The following PCNX4 variants were observed in gnomAD, a reference collection of about 807,000 sequenced individuals.
PCNX4 encodes pecanex 4, also known as pecanex-like protein 4.
In PCNX4, 103 loss-of-function variants were observed where a neutral mutation model predicts 107.2. The ratio of observed to expected loss-of-function variants is 0.96; its 90% confidence interval spans 0.82 to 1.13. PCNX4 has a LOEUF of 1.13. Among genes scored for constraint, PCNX4 ranks in the 50% most tolerant of loss-of-function variants. The pLI is 0.00. For missense variants in PCNX4, 1,528 were observed against 1,379.4 expected, an observed-to-expected ratio of 1.11 and a Z score of -1.71; for synonymous variants, 541 against 481.7, an observed-to-expected ratio of 1.12 and a Z score of -1.61.
chr14:60,123,082 T>G (rs1357830527), intron 8 of PCNX4, among the ~76,000 whole-genome samples: 1 of 152,124 alleles, frequency 6.6e-6, no homozygotes, highest in Non-Finnish European at 1.5e-5. Flanking sequence ...GAACCTCTGC[T>G]CTAGTCTAAC....
At position 60,115,661 on chromosome 14, in the gene PCNX4, T is replaced by C. The variant is rs187138641; in HGVS notation, c.1358-58T>C. On this transcript the variant is annotated intron_variant, in intron 4 of 10. Transcript: ENST00000406854. The stretch of plus-strand genomic sequence containing the variant: ...AAAATGTGTATTTGCCAGAATAAAA[T>C]ATGGTAGAAGGAGCTATTTTGCCTT... 2.0e-6 allele frequency: 3 copies of C among 1,465,932 alleles called. No individual in the cohort carries two copies. In the African/African-American group the frequency reaches 4.2e-5, roughly 21 times the overall value. The allele number at this position is 1,465,932 out of a possible 1,614,324, so 90.8% of individuals were successfully genotyped here.
At chr14:60,123,962 T>G (rs1008527181) in intron 8 of PCNX4, among the ~76,000 whole-genome samples, 1 of 152,164 alleles carries the variant, frequency 6.6e-6, no homozygotes, top group African/African-American at 2.4e-5. Context: ...TCATACCTAC[T>G]AAATTTGCTC....
At chr14:60,116,330 A>G (rs1895848245) in intron 6 of PCNX4, among the ~76,000 whole-genome samples, 1 of 152,194 alleles carries the variant, frequency 6.6e-6, no homozygotes, top group African/African-American at 2.4e-5. Flanking sequence ...ATTCTGCAGC[A>G]TGTGATCTTT....
Position 60,092,244 on chromosome 14 carries a change from C to T in PCNX4, c.-229C>T, listed in dbSNP as rs1482566877. ...CCGGAGTAGACGTTAGCCATGGAAA[C>T]CGAGAGCTGGCCCGGGCGGGGCCGC... On this transcript the variant is annotated 5_prime_UTR_variant, in exon 1 of 11. Coordinates refer to ENST00000406854, the MANE Select transcript of PCNX4 (RefSeq NM_001330177.2). 1 of 152,282 alleles carries T rather than the reference C, an allele frequency of 6.6e-6. No homozygotes were observed. The highest frequency in any genetic ancestry group is 2.4e-5 in the African/African-American group (1 of 41,478). 9.4% of individuals were successfully genotyped at this position (152,282 alleles called of 1,614,324 possible). A position where few individuals can be genotyped will look rare whatever the true frequency, so the allele number is the denominator to read the frequency against.
chr14:60,118,687 G>A lies in PCNX4; in HGVS notation c.1937G>A (p.Ser646Asn), dbSNP rs746898760. The A allele has an allele frequency of 6.4e-7, 1 of 1,565,502 alleles. No individual in the cohort carries two copies. The highest frequency in any genetic ancestry group is 1.2e-5 in the South Asian group (1 of 85,464). ...AVLQTAMAAG[S>N]LGLLLPGSHY... ...CTGCAGACTGCAATGGCAGCTGGAA[G>A]TTTAGGTAAGTAAATGGGTTGTGCT... The change falls in exon 7 of 11, where the codon AGT (serine) becomes AAT (asparagine). Residue 646 changes from serine (S) to asparagine (N), a missense_variant. Physicochemically the swap from Ser to Asn is conservative, Grantham distance 46. Coordinates refer to ENST00000406854, the MANE Select transcript of PCNX4 (RefSeq NM_001330177.2).
At chr14:60,130,794 A>AT (rs577700402) in intron 10 of PCNX4, among the ~76,000 whole-genome samples, 7,852 of 146,328 alleles carry the variant, frequency 0.054, 508 homozygotes, top group African/African-American at 0.16. Context: ...GAGAAATAGC[A>AT]TTTTTTTTTT....
In PCNX4 at chr14:60,134,333, C is replaced by G; in HGVS notation, c.*112C>G. 1 of 1,309,206 alleles carries G rather than the reference C, an allele frequency of 7.6e-7. No homozygotes were observed. The highest frequency in any genetic ancestry group is 1.4e-5 in the South Asian group (1 of 71,674). The allele number at this position is 1,309,206 out of a possible 1,614,324, so 81.1% of individuals were successfully genotyped here. ...CTTCTCCACACCCCCATTCAGATGC[C>G]TGAGAACAGCTAAGCTCCGTAAAGT... On this transcript the variant is annotated 3_prime_UTR_variant, in exon 11 of 11. Transcript: ENST00000406854.
Position 60,115,910 on chromosome 14 carries a change from C to T in PCNX4, c.1459-31C>T, listed in dbSNP as rs748576974. The T allele has an allele frequency of 3.1e-6, 5 of 1,594,700 alleles. No individual in the cohort carries two copies. In the East Asian group the frequency reaches 6.7e-5, roughly 21 times the overall value. On this transcript the variant is annotated intron_variant, in intron 5 of 10. Coordinates refer to ENST00000406854, the MANE Select transcript of PCNX4 (RefSeq NM_001330177.2). ...GTTTGCTTAGATTATCTAATTCTACCTGATAAAAATGGATAATTTGTATAC... is the reference window on the plus strand; with the variant it reads ...GTTTGCTTAGATTATCTAATTCTACTTGATAAAAATGGATAATTTGTATAC...
rs185097073 is a variant in PCNX4, at chr14:60,112,399, A to G, written c.690-2301A>G. ...CTTAGAAAATTTCTATTACATTATC[A>G]TAAGTATTAGAATTTAAATTATCAG... On this transcript the variant is annotated intron_variant, in intron 2 of 10. Transcript: ENST00000406854. 1.8e-4 allele frequency among the ~76,000 whole-genome samples: 27 copies of G among 152,306 alleles called. No individual in the cohort carries two copies. The East Asian group carries it at 4.8e-3, about 27-fold the overall frequency.
chr14:60,120,758 TTGTA>T (rs1474134224), intron 7 of PCNX4, among the ~76,000 whole-genome samples: 1 of 152,146 alleles, frequency 6.6e-6, no homozygotes, highest in East Asian at 1.9e-4. Context: ...TAAAAAGTAT[TTGTA>T]TGGTATGTAG....
intron 1 of PCNX4, 142 bp downstream of exon 1, chr14:60,092,561 C>T (rs1895324816): frequency 6.6e-6 from 1 of 152,266 alleles, no homozygotes; most frequent in Non-Finnish European, 1.5e-5. Flanking sequence ...CCTTTAAGTG[C>T]AATTATTGCG....
Position 60,145,203 on chromosome 14 carries a change from C to A in PCNX4, c.*10982C>A, listed in dbSNP as rs1000054383. 1.3e-5 allele frequency: 6 copies of A among 451,090 alleles called. No homozygotes were observed. The highest frequency in any genetic ancestry group is 1.2e-4 in the African/African-American group (6 of 48,664). 27.9% of individuals were successfully genotyped at this position (451,090 alleles called of 1,614,324 possible). On this transcript the variant is annotated 3_prime_UTR_variant, in exon 11 of 11. Transcript: ENST00000406854. The surrounding 1 kb of genome is among the most constrained non-coding windows in gnomAD (Gnocchi z 4.0). ...AAAATTCTAGATGTACACAAAAGTA[C>A]TTCTAATGAGTTTAGCATCATCTCT...
rs775486238 is a variant in PCNX4 at position 60,118,366 on chromosome 14, C to CT, written c.1617dup (p.Lys540Ter). ...CGTGATCGTTTGATTCAGTTCATCT[C>CT]TAAATTGCAGTTTGCCGTGACTGTG... On this transcript the variant is annotated frameshift_variant, in exon 7 of 11. Coordinates refer to ENST00000406854, the MANE Select transcript of PCNX4 (RefSeq NM_001330177.2). LOFTEE classifies it high-confidence loss of function. The CT allele has an allele frequency of 3.1e-6, 5 of 1,612,842 alleles. No individual in the cohort carries two copies. The East Asian group carries it at 1.1e-4, about 36-fold the overall frequency.
In PCNX4 at chr14:60,140,043, C is replaced by T. The variant is rs1896289017; in HGVS notation, c.*5822C>T. 1 of 151,018 alleles carries T rather than the reference C, an allele frequency of 6.6e-6. No homozygotes were observed. The highest frequency in any genetic ancestry group is 2.4e-5 in the African/African-American group (1 of 41,044). 9.4% of individuals were successfully genotyped at this position (151,018 alleles called of 1,614,324 possible). ...AGAAAATAAAGGAAATAATAAAGAACAAGAATTAATGGAGTAGAAAATGAA... is the reference window on the plus strand; with the variant it reads ...AGAAAATAAAGGAAATAATAAAGAATAAGAATTAATGGAGTAGAAAATGAA... On this transcript the variant is annotated 3_prime_UTR_variant, in exon 11 of 11. Coordinates refer to ENST00000406854, the MANE Select transcript of PCNX4 (RefSeq NM_001330177.2). The surrounding 1 kb of genome is among the most constrained non-coding windows in gnomAD (Gnocchi z 4.2).
At chr14:60,125,392 AGT>A in intron 9 of PCNX4, 141 bp downstream of exon 9, 3 of 972,020 alleles carry the variant, frequency 3.1e-6, no homozygotes, top group Non-Finnish European at 4.3e-6. Flanking sequence ...TTTCATGTGT[AGT>A]GTGATTGTAT....
intron 1 of PCNX4, among the ~76,000 whole-genome samples, chr14:60,095,331 G>C (rs1378608061): frequency 6.6e-6 from 1 of 152,230 alleles, no homozygotes; most frequent in African/African-American, 2.4e-5. Flanking sequence ...ACAAAATGGG[G>C]TAGGGGAACA....
At chr14:60,093,050 A>G (rs1363642372) in intron 1 of PCNX4, among the ~76,000 whole-genome samples, 2 of 152,196 alleles carry the variant, frequency 1.3e-5, no homozygotes, top group Admixed American at 6.5e-5. Context: ...ACTCACGCCA[A>G]ATCCCCAGAC....
In PCNX4 at chr14:60,137,431, C is replaced by T. The variant is rs749945502; in HGVS notation, c.*3210C>T. The T allele has an allele frequency of 6.6e-6, 1 of 152,246 alleles. No individual in the cohort carries two copies. Among genetic ancestry groups the T allele is most frequent in the African/African-American group, 2.4e-5 (1 of 41,446 alleles). 9.4% of individuals were successfully genotyped at this position (152,246 alleles called of 1,614,324 possible). On this transcript the variant is annotated 3_prime_UTR_variant, in exon 11 of 11. Coordinates refer to ENST00000406854, the MANE Select transcript of PCNX4 (RefSeq NM_001330177.2). The stretch of plus-strand genomic sequence containing the variant: ...AAACCAGATGCAGTTAGGATCTTCT[C>T]ACTTCCCAAAACTGGATTCAGGTGA...
intron 1 of PCNX4, among the ~76,000 whole-genome samples, chr14:60,103,910 A>G (rs2140534251): frequency 6.6e-6 from 1 of 152,372 alleles, no homozygotes; most frequent in African/African-American, 2.4e-5. Flanking sequence ...TACTATGAAT[A>G]GATAGCATTA....
Sources: gnomAD v4.1 joint callset for allele counts (sites outside exome capture counted in the v4.1 genomes callset) on GRCh38, gnomAD v4.1.1 for gene constraint, Gnocchi (gnomAD v3.1) non-coding constraint, MANE v1.5 for transcripts, NCBI Gene and HGNC (gene_info 2026-07-23, HGNC 2026-07-21) for gene names.